CADM2: variants seen among roughly 807,000 people sequenced by gnomAD.
CADM2 encodes the protein immunoglobulin superfamily member 4D.
A neutral mutation model predicts 49.8 loss-of-function variants in CADM2; 12 were observed. That is an observed-to-expected ratio of 0.24 (90% confidence interval 0.15 to 0.39). The LOEUF is 0.39. Ranked by LOEUF, CADM2 falls within the 10% of genes least tolerant of loss-of-function variation. The pLI, the probability that CADM2 is intolerant of heterozygous loss-of-function variation, is 1.00. For synonymous variants in CADM2, 214 were observed against 175.4 expected, an observed-to-expected ratio of 1.22 and a Z score of -1.74; for missense variants, 378 against 492.3, an observed-to-expected ratio of 0.77 and a Z score of 2.20.
At chr3:85,076,349 G>A (rs1406548616) in intron 1 of CADM2, among the ~76,000 whole-genome samples, 1 of 150,504 alleles carries the variant, frequency 6.6e-6, no homozygotes, top group Admixed American at 6.6e-5. Flanking sequence ...GGTGTGGTGT[G>A]CATGGTTTTT....
chr3:85,873,378 G>A (rs1711497063), intron 3 of CADM2, among the ~76,000 whole-genome samples: 1 of 152,134 alleles, frequency 6.6e-6, no homozygotes. Flanking sequence ...TCAAAAAGTA[G>A]GATGTCAGCC....
At chr3:85,389,079 C>T (rs891531066) in intron 1 of CADM2, among the ~76,000 whole-genome samples, 3 of 151,998 alleles carry the variant, frequency 2.0e-5, no homozygotes, top group African/African-American at 7.2e-5. Context: ...TGTACATTCA[C>T]CCTTATTTAA....
chr3:85,098,340 A>G (rs970189493), intron 1 of CADM2, among the ~76,000 whole-genome samples: 2 of 152,138 alleles, frequency 1.3e-5, no homozygotes, highest in South Asian at 4.1e-4. Flanking sequence ...AGTTAAATGT[A>G]AGAGGGAAAA....
chr3:85,635,961 T>A (rs1047536435), intron 1 of CADM2, among the ~76,000 whole-genome samples: 6 of 152,216 alleles, frequency 3.9e-5, no homozygotes, highest in African/African-American at 1.4e-4. Context: ...TTTCTGGTGA[T>A]GCTGGTGTAA....
intron 1 of CADM2, among the ~76,000 whole-genome samples, chr3:85,352,535 A>G (rs1371830122): frequency 2.6e-5 from 4 of 152,072 alleles, no homozygotes; most frequent in Admixed American, 2.6e-4. Context: ...GGCTTCATTT[A>G]TTTGGAGGAC....
Position 85,648,082 on chromosome 3 carries a change from T to C in CADM2, c.62-78440T>C, listed in dbSNP as rs2064941034. ...CAAAACACTTTGGTCTAAACTTTAA[T>C]ACAGATTTTTGCCCATGTTTCTGTG... is the stretch of plus-strand genomic sequence containing the variant. On this transcript the variant is annotated intron_variant, in intron 1 of 9. Transcript: ENST00000383699. 2.0e-5 allele frequency among the ~76,000 whole-genome samples: 3 copies of C among 152,046 alleles called. No homozygotes were observed. The South Asian group carries it at 6.2e-4, about 31-fold the overall frequency.
At chr3:85,832,705 G>A (rs1388725570) in intron 3 of CADM2, among the ~76,000 whole-genome samples, 3 of 151,880 alleles carry the variant, frequency 2.0e-5, no homozygotes, top group East Asian at 1.9e-4. Flanking sequence ...GGAGCCCTTT[G>A]ATGGAGTCTA....
chr3:85,245,497 T>G (rs916083423), intron 1 of CADM2, among the ~76,000 whole-genome samples: 1 of 149,778 alleles, frequency 6.7e-6, no homozygotes, highest in South Asian at 2.1e-4. Context: ...GGCGACAGAT[T>G]GAGGCTCTGT....
At chr3:85,886,422 T>G in intron 5 of CADM2, 95 bp downstream of exon 5, 1 of 908,782 alleles carries the variant, frequency 1.1e-6, no homozygotes, top group Non-Finnish European at 1.7e-6. Flanking sequence ...CAAAACATAG[T>G]GTCTCTTACA....
intron 1 of CADM2, among the ~76,000 whole-genome samples, chr3:85,099,834 G>GTGTTAAATATTAACA (rs2037943513): frequency 6.6e-6 from 1 of 152,172 alleles, no homozygotes; most frequent in East Asian, 1.9e-4. Flanking sequence ...TGGAATGGGA[G>GTGTTAAATATTAACA]CTTTTAAAAT....
rs754012588 is a variant in CADM2, at chr3:85,648,639, T to A, written c.62-77883T>A. On this transcript the variant is annotated intron_variant, in intron 1 of 9. Coordinates refer to ENST00000383699, the MANE Select transcript of CADM2 (RefSeq NM_001167675.2). ...TAATCTAAAGGAAGTTTTATAGGAA[T>A]GCTGTTAAAGAAATTTTTGTAGATT... Among the ~76,000 whole-genome samples the A allele has an allele frequency of 3.0e-4, 45 of 152,056 alleles. 1 individual carries two copies. Among genetic ancestry groups the A allele is most frequent in the Non-Finnish European group, 3.7e-4 (25 of 67,890 alleles).
At chr3:86,041,189 C>G (rs527255377) in intron 8 of CADM2, among the ~76,000 whole-genome samples, 1 of 152,122 alleles carries the variant, frequency 6.6e-6, no homozygotes, top group African/African-American at 2.4e-5. Context: ...AGCAAAATAA[C>G]GAGCTAACAT....
At chr3:85,523,007 A>G (rs2061062798) in intron 1 of CADM2, among the ~76,000 whole-genome samples, 1 of 151,958 alleles carries the variant, frequency 6.6e-6, no homozygotes, top group Non-Finnish European at 1.5e-5. Context: ...AAAAAAAAAA[A>G]AAGAAAACTT....
chr3:84,980,852 A>C (rs576733490), intron 1 of CADM2, among the ~76,000 whole-genome samples: 418 of 152,240 alleles, frequency 2.7e-3, no homozygotes, highest in Non-Finnish European at 5.0e-3. Context: ...AAACTCAATA[A>C]ATTTTGGAGA....
At chr3:85,979,614 T>C (rs1727230076) in intron 8 of CADM2, among the ~76,000 whole-genome samples, 1 of 151,684 alleles carries the variant, frequency 6.6e-6, no homozygotes, top group South Asian at 2.1e-4. Flanking sequence ...AAATAAGATG[T>C]TCATGTGTGC....
intron 1 of CADM2, among the ~76,000 whole-genome samples, chr3:85,419,091 T>C (rs2036044262): frequency 6.6e-6 from 1 of 152,130 alleles, no homozygotes; most frequent in South Asian, 2.1e-4. Context: ...TATTTCCACA[T>C]TGTCCAGACT....
Position 85,344,260 on chromosome 3 carries a change from A to C in CADM2, c.62-382262A>C, listed in dbSNP as rs575278339. 1.8e-3 allele frequency among the ~76,000 whole-genome samples: 270 copies of C among 151,878 alleles called. 2 individuals carry two copies. The highest frequency in any genetic ancestry group is 7.9e-3 in the South Asian group (38 of 4,814). The stretch of plus-strand genomic sequence containing the variant: ...GCTGGGCGTGGTGGCAGGCACCTGT[A>C]GTCCCAGCTACTTGGGAGGCTAAGG... On this transcript the variant is annotated intron_variant, in intron 1 of 9. Coordinates refer to ENST00000383699, the MANE Select transcript of CADM2 (RefSeq NM_001167675.2).
chr3:85,150,083 C>G (rs1327390631), intron 1 of CADM2, among the ~76,000 whole-genome samples: 1 of 152,166 alleles, frequency 6.6e-6, no homozygotes, highest in Non-Finnish European at 1.5e-5. Context: ...TTCTTCTACC[C>G]TTTTGTCATA....
intron 1 of CADM2, among the ~76,000 whole-genome samples, chr3:85,014,140 C>G (rs569670849): frequency 7.6e-6 from 1 of 131,124 alleles, no homozygotes; most frequent in Non-Finnish European, 1.6e-5. Flanking sequence ...ATTATATATA[C>G]GCAGTGTAAT....
Sources: gnomAD v4.1 joint callset for allele counts (sites outside exome capture counted in the v4.1 genomes callset) on GRCh38, gnomAD v4.1.1 for gene constraint, MANE v1.5 for transcripts, NCBI Gene and HGNC (gene_info 2026-07-23, HGNC 2026-07-21) for gene names.